Variants in ARCN1 observed in about 807,000 individuals in gnomAD.
ARCN1 encodes coatomer subunit delta.
In ARCN1, 5 loss-of-function variants were observed where a neutral mutation model predicts 60.4. The ratio of observed to expected loss-of-function variants is 0.08; its 90% CI spans 0.04 to 0.17. The LOEUF (loss-of-function observed/expected upper bound fraction) is 0.17, where lower values mean the gene tolerates loss of function less well. Ranked by LOEUF, ARCN1 falls within the 10% of genes least tolerant of loss-of-function variation. ARCN1 has a pLI of 1.00. For synonymous variants in ARCN1, 224 were observed against 220.0 expected (o/e 1.02, Z -0.16); for missense variants, 464 against 626.5 (o/e 0.74, Z 2.77).
At chr11:118,573,781 C>T in intron 1 of ARCN1, 1 of 604,922 alleles carries the variant, frequency 1.7e-6, no homozygotes, top group Non-Finnish European at 3.0e-6. Flanking sequence ...TTCTCAGCCT[C>T]AGGTATATAA....
At chr11:118,594,416 C>T (rs1436192977) in intron 8 of ARCN1, among the ~76,000 whole-genome samples, 6 of 150,918 alleles carry the variant, frequency 4.0e-5, no homozygotes, top group African/African-American at 1.5e-4. Flanking sequence ...TGCTCTGTGA[C>T]TTGATTGTGG....
intron 5 of ARCN1, among the ~76,000 whole-genome samples, chr11:118,587,028 C>G (rs1938794723): frequency 6.6e-6 from 1 of 152,030 alleles, no homozygotes; most frequent in Non-Finnish European, 1.5e-5. Context: ...ACTCTGATGC[C>G]TTTGTTTCTA....
At chr11:118,584,404 T>A in intron 4 of ARCN1, 76 bp from the exon 5 acceptor site, 1 of 1,392,552 alleles carries the variant, frequency 7.2e-7, no homozygotes, top group Non-Finnish European at 9.6e-7. Context: ...GGACGGGAGA[T>A]ACAAAATTTT....
intron 5 of ARCN1, among the ~76,000 whole-genome samples, chr11:118,585,124 C>T (rs529542139): frequency 2.6e-4 from 39 of 152,200 alleles, no homozygotes; most frequent in East Asian, 1.9e-3. Context: ...CCACGCCCGG[C>T]TGTTGTTTTG....
At position 118,601,329 on chromosome 11, in the gene ARCN1, T is replaced by A; in HGVS notation, c.*615T>A. 1 of 442,110 alleles carries A rather than the reference T, an allele frequency of 2.3e-6. No homozygotes were observed. Among genetic ancestry groups the A allele is most frequent in the South Asian group, 1.7e-5 (1 of 58,196 alleles). The allele number at this position is 442,110 out of a possible 1,614,324, so 27.4% of individuals were successfully genotyped here. A position where few individuals can be genotyped will look rare whatever the true frequency, so the allele number is the denominator to read the frequency against. On this transcript the variant is annotated 3_prime_UTR_variant, in exon 10 of 10. Coordinates refer to ENST00000264028, the MANE Select transcript of ARCN1 (RefSeq NM_001655.5). Reference sequence around the variant, plus strand: ...CGCCCACCTCAGCCTCCCAAAGTGTTGGGATTACAGGCATGAGCCACCATG... The same window carrying A: ...CGCCCACCTCAGCCTCCCAAAGTGTAGGGATTACAGGCATGAGCCACCATG...
chr11:118,591,814 A>C (rs1555076356), intron 6 of ARCN1, among the ~76,000 whole-genome samples: 1 of 150,842 alleles, frequency 6.6e-6, no homozygotes, highest in Non-Finnish European at 1.5e-5. Flanking sequence ...GGCTCGCTGC[A>C]GCCTTAACCT....
chr11:118,592,501 T>TTAA (rs1555076460), intron 6 of ARCN1, among the ~76,000 whole-genome samples: 1 of 152,216 alleles, frequency 6.6e-6, no homozygotes, highest in East Asian at 1.9e-4. Flanking sequence ...AATTAGCTTT[T>TTAA]TTTTTAAAAA....
intron 5 of ARCN1, among the ~76,000 whole-genome samples, chr11:118,586,385 C>T (rs932629270): frequency 6.8e-4 from 103 of 152,318 alleles, no homozygotes; most frequent in African/African-American, 2.5e-3. Context: ...GCGTGAGCCA[C>T]CGTGCCCAGC....
intron 9 of ARCN1, among the ~76,000 whole-genome samples, chr11:118,598,252 C>G (rs1939072081): frequency 6.6e-6 from 1 of 151,846 alleles, no homozygotes; most frequent in African/African-American, 2.4e-5. Context: ...CACCCCAACA[C>G]ATGGTTTTTT....
chr11:118,574,139 A>G (rs1555073015), intron 1 of ARCN1, among the ~76,000 whole-genome samples: 1 of 152,196 alleles, frequency 6.6e-6, no homozygotes, highest in Non-Finnish European at 1.5e-5. Flanking sequence ...TGACATGTGT[A>G]CGTATACATA....
At chr11:118,582,274 T>C (rs1555074763) in intron 2 of ARCN1, among the ~76,000 whole-genome samples, 1 of 152,056 alleles carries the variant, frequency 6.6e-6, no homozygotes, top group Admixed American at 6.5e-5. Flanking sequence ...TCCCGAGTAG[T>C]TGAGATTACA....
rs1242892911 is a variant in ARCN1 at position 118,572,449 on chromosome 11, G to T, written c.-99G>T. ...GAAGCGGCAGCGGTTCCTGTCAAGGGGGCAGCAGGTCCAGAGCTGCTGGTG... is the reference window on the plus strand; with the variant it reads ...GAAGCGGCAGCGGTTCCTGTCAAGGTGGCAGCAGGTCCAGAGCTGCTGGTG... On this transcript the variant is annotated 5_prime_UTR_variant, in exon 1 of 10. Transcript: ENST00000264028. 29 of 1,325,126 alleles carry T rather than the reference G, an allele frequency of 2.2e-5. No individual in the cohort carries two copies. Among genetic ancestry groups the T allele is most frequent in the Non-Finnish European group, 2.9e-5 (28 of 957,774 alleles). The allele number at this position is 1,325,126 out of a possible 1,614,324, so 82.1% of individuals were successfully genotyped here.
chr11:118,600,864 C>T lies in ARCN1; in HGVS notation c.*150C>T. The T allele has an allele frequency of 1.9e-6, 1 of 525,310 alleles. No individual in the cohort carries two copies. 32.5% of individuals were successfully genotyped at this position (525,310 alleles called of 1,614,324 possible). On this transcript the variant is annotated 3_prime_UTR_variant, in exon 10 of 10. Coordinates refer to ENST00000264028, the MANE Select transcript of ARCN1 (RefSeq NM_001655.5). Reference sequence around the variant, plus strand: ...ATTCTCTGCGCGCAAGGACCCTCGACTCACCCCCATGTTTCAGTGTCACAG... The same window carrying T: ...ATTCTCTGCGCGCAAGGACCCTCGATTCACCCCCATGTTTCAGTGTCACAG...
At chr11:118,600,133 C>A (rs1194594917) in intron 9 of ARCN1, among the ~76,000 whole-genome samples, 1 of 152,142 alleles carries the variant, frequency 6.6e-6, no homozygotes, top group Non-Finnish European at 1.5e-5. Context: ...TTAAGCTGGA[C>A]ATTTATTTAT....
rs1401593739 is a variant in ARCN1 at position 118,593,880 on chromosome 11, T to C, written c.1241+182T>C. On this transcript the variant is annotated intron_variant, in intron 8 of 9. Coordinates refer to ENST00000264028, the MANE Select transcript of ARCN1 (RefSeq NM_001655.5). ...ATGTGATTCCACTTCTTTGTCTTTC[T>C]GGAAAAGGTAATACTATTGAATAAA... The C allele has an allele frequency of 1.1e-5, 5 of 461,172 alleles. 1 individual carries two copies. The highest frequency in any genetic ancestry group is 2.0e-5 in the Non-Finnish European group (5 of 252,594). 28.6% of individuals were successfully genotyped at this position (461,172 alleles called of 1,614,324 possible).
Position 118,597,923 on chromosome 11 carries a change from T to C in ARCN1, c.1446+12T>C, listed in dbSNP as rs1555077472. ...ACTGTAACATACAGGTACTCCATTTTAGTTGAGAACATATATAGGGAAAGT... is the reference window on the plus strand; with the variant it reads ...ACTGTAACATACAGGTACTCCATTTCAGTTGAGAACATATATAGGGAAAGT... On this transcript the variant is annotated intron_variant, in intron 9 of 9. Transcript: ENST00000264028. 1 of 1,613,706 alleles carries C rather than the reference T, an allele frequency of 6.2e-7. No individual in the cohort carries two copies. Among genetic ancestry groups the C allele is most frequent in the African/African-American group, 1.3e-5 (1 of 74,900 alleles).
intron 6 of ARCN1, 87 bp from the exon 7 acceptor site, chr11:118,592,622 G>A: frequency 2.0e-6 from 2 of 1,014,162 alleles, no homozygotes; most frequent in South Asian, 4.6e-5. Context: ...TATTTTGGAT[G>A]TTTAGATTGT....
chr11:118,578,434 C>T lies in ARCN1; in HGVS notation c.4-2812C>T, dbSNP rs562173181. ...GTTTATATAGGTCTGAAGTTTTGGTCTGAGCTGTCCTTTCTTTAGGTGTTC... is the reference window on the plus strand; with the variant it reads ...GTTTATATAGGTCTGAAGTTTTGGTTTGAGCTGTCCTTTCTTTAGGTGTTC... On this transcript the variant is annotated intron_variant, in intron 1 of 9. Coordinates refer to ENST00000264028, the MANE Select transcript of ARCN1 (RefSeq NM_001655.5). Among the ~76,000 whole-genome samples, 16 of 152,190 alleles carry T rather than the reference C, an allele frequency of 1.1e-4. No individual in the cohort carries two copies. The East Asian group carries it at 3.1e-3, about 29-fold the overall frequency.
chr11:118,598,488 A>ATTTTTTTT (rs1174732773), intron 9 of ARCN1, among the ~76,000 whole-genome samples: 3 of 111,132 alleles, frequency 2.7e-5, no homozygotes, highest in African/African-American at 3.5e-5. Flanking sequence ...GTTCCTTCGG[A>ATTTTTTTT]TTTTTTTTTT....
Sources: allele counts gnomAD v4.1 joint callset (sites outside exome capture counted in the v4.1 genomes callset), GRCh38; gene constraint gnomAD v4.1.1; transcripts MANE v1.5; gene names NCBI Gene and HGNC (gene_info 2026-07-23, HGNC 2026-07-21).